DNAH14: variants seen among roughly 807,000 people sequenced by gnomAD.
DNAH14 encodes axonemal beta dynein heavy chain 14.
DNAH14 carries 478 observed loss-of-function variants against 520.9 expected under a neutral mutation model. The ratio of observed to expected loss-of-function variants is 0.92; its 90% CI spans 0.85 to 0.99. DNAH14 has a LOEUF of 0.99. Among genes scored for constraint, DNAH14 ranks in the 50% least tolerant of loss-of-function variants. The pLI, the probability that DNAH14 is intolerant of heterozygous loss-of-function variation, is 0.00. For synonymous variants in DNAH14, 1,581 were observed against 1,757.2 expected (o/e 0.90, Z 2.51); for missense variants, 4,831 against 5,234.5 (o/e 0.92, Z 2.38).
At chr1:225,344,020 CA>C (rs1334754299) in intron 69 of DNAH14, among the ~76,000 whole-genome samples, 1 of 152,106 alleles carries the variant, frequency 6.6e-6, no homozygotes, top group Non-Finnish European at 1.5e-5. Context: ...CACATTAGGG[CA>C]CTATATGCTT....
intron 7 of DNAH14, chr1:224,969,937 G>T (rs1286315989): frequency 6.6e-6 from 1 of 152,260 alleles, no homozygotes; most frequent in Non-Finnish European, 1.5e-5. Context: ...CACAGATTGT[G>T]TGTAGAGCAT....
At chr1:225,058,514 T>C (rs2069500994) in intron 17 of DNAH14, among the ~76,000 whole-genome samples, 2 of 152,224 alleles carry the variant, frequency 1.3e-5, no homozygotes, top group South Asian at 4.1e-4. Flanking sequence ...GAAGGGTGTT[T>C]TGTGTCTCTA....
chr1:224,933,693 CT>C (rs1196245111), intron 1 of DNAH14, among the ~76,000 whole-genome samples: 2 of 151,906 alleles, frequency 1.3e-5, no homozygotes, highest in Non-Finnish European at 2.9e-5. Flanking sequence ...TATCAAATGG[CT>C]TTTGTCCTTC....
chr1:224,934,898 C>T (rs1182794219), intron 1 of DNAH14, among the ~76,000 whole-genome samples: 4 of 151,524 alleles, frequency 2.6e-5, no homozygotes, highest in Admixed American at 2.6e-4. Context: ...AAAAAAATGC[C>T]AACCGAGAAT....
chr1:224,987,379 C>T (rs1035082306), intron 8 of DNAH14, among the ~76,000 whole-genome samples: 2 of 152,096 alleles, frequency 1.3e-5, no homozygotes, highest in African/African-American at 2.4e-5. Context: ...TTTATTCAGG[C>T]CACAATGGAT....
At chr1:225,179,377 A>G (rs1226568642) in intron 36 of DNAH14, among the ~76,000 whole-genome samples, 1 of 151,996 alleles carries the variant, frequency 6.6e-6, no homozygotes, top group South Asian at 2.1e-4. Context: ...TTTTATTTAT[A>G]GTGTATCTAT....
chr1:225,185,524 A>G lies in DNAH14; in HGVS notation c.5670+99A>G, dbSNP rs1016713576. The G allele has an allele frequency of 2.4e-6, 3 of 1,230,394 alleles. No homozygotes were observed. The African/African-American group carries it at 4.8e-5, about 20-fold the overall frequency. 76.2% of individuals were successfully genotyped at this position (1,230,394 alleles called of 1,614,324 possible). ...CTTTATATTGGTATTTTCATTACTT[A>G]TTAAACTTATTGCTAGGAATTTTGT... On this transcript the variant is annotated intron_variant, in intron 37 of 85. Transcript: ENST00000682510.
At chr1:225,014,573 C>T (rs988159558) in intron 10 of DNAH14, among the ~76,000 whole-genome samples, 4 of 152,064 alleles carry the variant, frequency 2.6e-5, no homozygotes, top group Admixed American at 2.6e-4. Context: ...ATTTGTTGTT[C>T]AGGAACATGT....
intron 41 of DNAH14, among the ~76,000 whole-genome samples, chr1:225,227,867 CAT>C (rs1574138727): frequency 6.6e-6 from 1 of 152,124 alleles, no homozygotes; most frequent in Non-Finnish European, 1.5e-5. Flanking sequence ...ACTACCCATC[CAT>C]ATGTTTTCCT....
chr1:225,045,651 G>T (rs559971800), intron 15 of DNAH14, among the ~76,000 whole-genome samples: 16 of 152,120 alleles, frequency 1.1e-4, no homozygotes, highest in African/African-American at 3.9e-4. Flanking sequence ...TGAGTTTGAG[G>T]ATATACATCT....
chr1:225,346,094 TC>T lies in DNAH14; in HGVS notation c.10815del (p.Ile3606LeufsTer11), dbSNP rs1238969211. The part of the protein sequence containing the change: ...SEIQAIRKNY[L>X]PIATRGALLY... ...ATCCAAGCAATACGTAAAAACTATC[TC>T]CCCATTGCGACCCGAGGCGCCCTGC... On this transcript the variant is annotated frameshift_variant, in exon 70 of 86. Coordinates refer to ENST00000682510, the MANE Select transcript of DNAH14 (RefSeq NM_001367479.1). LOFTEE classifies it high-confidence loss of function. 1 of 1,551,632 alleles carries T rather than the reference TC, an allele frequency of 6.4e-7. No individual in the cohort carries two copies. The highest frequency in any genetic ancestry group is 2.0e-5 in the Admixed American group (1 of 50,992).
intron 1 of DNAH14, among the ~76,000 whole-genome samples, chr1:224,930,605 CT>C (rs926609238): frequency 6.7e-6 from 1 of 149,920 alleles, no homozygotes; most frequent in Admixed American, 6.6e-5. Context: ...CTATACCATA[CT>C]TTTTTTTTTG....
intron 43 of DNAH14, among the ~76,000 whole-genome samples, chr1:225,247,312 G>A (rs1052076493): frequency 9.9e-5 from 15 of 152,016 alleles, no homozygotes; most frequent in African/African-American, 3.6e-4. Context: ...TTTGATGGAA[G>A]CAGCAAACCA....
intron 27 of DNAH14, among the ~76,000 whole-genome samples, chr1:225,128,452 A>G (rs942754428): frequency 2.0e-5 from 3 of 152,154 alleles, no homozygotes; most frequent in African/African-American, 7.2e-5. Flanking sequence ...GCAGCACATC[A>G]AAAAGCTTCT....
intron 81 of DNAH14, among the ~76,000 whole-genome samples, chr1:225,387,520 G>T (rs911989161): frequency 1.4e-4 from 21 of 152,174 alleles, no homozygotes; most frequent in Non-Finnish European, 2.9e-4. Context: ...AGCAAGAGAA[G>T]AGGGCTGAAG....
intron 29 of DNAH14, 84 bp from the exon 30 acceptor site, chr1:225,145,242 A>C: frequency 1.8e-6 from 2 of 1,114,730 alleles, no homozygotes; most frequent in Non-Finnish European, 2.5e-6. Flanking sequence ...AAAAGCATAA[A>C]GACATTTTAT....
chr1:224,978,276 A>G (rs751567792), intron 8 of DNAH14, among the ~76,000 whole-genome samples: 17 of 152,242 alleles, frequency 1.1e-4, no homozygotes, highest in Non-Finnish European at 1.8e-4. Flanking sequence ...CCATCAACAG[A>G]TGAATGAAGA....
intron 41 of DNAH14, among the ~76,000 whole-genome samples, chr1:225,213,133 C>T (rs968285589): frequency 6.6e-5 from 10 of 152,134 alleles, no homozygotes; most frequent in African/African-American, 1.7e-4. Flanking sequence ...ATATGGCTAG[C>T]GAGTTTTCCC....
At chr1:225,194,453 A>G (rs1217334468) in intron 38 of DNAH14, among the ~76,000 whole-genome samples, 1 of 151,682 alleles carries the variant, frequency 6.6e-6, no homozygotes, top group South Asian at 2.1e-4. Flanking sequence ...TGTTCAATAC[A>G]TGATGTTGGG....
Sources: gnomAD v4.1 joint callset for allele counts (sites outside exome capture counted in the v4.1 genomes callset) on GRCh38, gnomAD v4.1.1 for gene constraint, MANE v1.5 for transcripts, NCBI Gene and HGNC (gene_info 2026-07-23, HGNC 2026-07-21) for gene names.